Variants in ASPM observed in about 807,000 individuals in gnomAD.
ASPM encodes the protein abnormal spindle-like microcephaly-associated protein.
ASPM carries 256 observed loss-of-function variants against 366.4 expected under a neutral mutation model. The ratio of observed to expected loss-of-function variants is 0.70; its 90% CI spans 0.63 to 0.77. The LOEUF (loss-of-function observed/expected upper bound fraction) is 0.77. ASPM is among the 30% of genes least tolerant of loss of function. The pLI, the probability that ASPM is intolerant of heterozygous loss-of-function variation, is 0.00. For synonymous variants in ASPM, 1,414 were observed against 1,342.9 expected, an observed-to-expected ratio of 1.05 and a Z score of -1.16; for missense variants, 4,146 against 4,090.4, an observed-to-expected ratio of 1.01 and a Z score of -0.37.
At position 197,142,759 on chromosome 1, in the gene ASPM, G is replaced by T. The variant is rs778069189; in HGVS notation, c.1493C>A (p.Thr498Asn). ...KRRPILSATV[T>N]KRKATCTREN... ...TCTGGTACAGGTGGCCTTCCTTTTAGTAACAGTGGCAGAAAGTATTGGACG... is the reference window on the plus strand; with the variant it reads ...TCTGGTACAGGTGGCCTTCCTTTTATTAACAGTGGCAGAAAGTATTGGACG... Residue 498 changes from threonine to asparagine, a missense_variant, in exon 3 of 28, where the codon ACT becomes AAT. Thr to Asn is a moderately conservative substitution (Grantham distance 65). Around this residue, in one of 3 missense-constraint regions of ASPM, gnomAD observed 3,624 missense variants for 3,591.7 expected, o/e 1.01. Coordinates refer to ENST00000367409, the MANE Select transcript of ASPM (RefSeq NM_018136.5). 1.6e-5 allele frequency: 26 copies of T among 1,613,686 alleles called. No homozygotes were observed. The highest frequency in any genetic ancestry group is 2.0e-5 in the Non-Finnish European group (24 of 1,179,784).
At chr1:197,096,233 A>C (rs1656972203) in intron 18 of ASPM, 69 bp from the exon 19 acceptor site, 1 of 1,343,282 alleles carries the variant, frequency 7.4e-7, no homozygotes, top group Admixed American at 1.7e-5. Context: ...AAGACAAATC[A>C]GTATAAAGAC....
At position 197,143,542 on chromosome 1, in the gene ASPM, A is replaced by T. The variant is rs1277815135; in HGVS notation, c.710T>A (p.Leu237Ter). The change falls in exon 3 of 28, where the codon TTG becomes TAG. Residue 237 changes from leucine to a stop codon, truncating the protein, a stop_gained. Transcript: ENST00000367409. LOFTEE classifies it high-confidence loss of function. ...AFNECHGATC[L>*]PLSVRRSTTY... ...AGTAGATCGACGTACAGAGAGTGGC[A>T]AGCAAGTTGCACCATGGCATTCATT... 1.2e-6 allele frequency: 2 copies of T among 1,613,898 alleles called. No individual in the cohort carries two copies. Among genetic ancestry groups the T allele is most frequent in the Admixed American group, 3.3e-5 (2 of 60,032 alleles).
At chr1:197,131,995 A>G (rs2125108757) in intron 7 of ASPM, among the ~76,000 whole-genome samples, 1 of 152,342 alleles carries the variant, frequency 6.6e-6, no homozygotes, top group East Asian at 1.9e-4. Context: ...GTAAATTTGC[A>G]AAAATGAGTT....
At chr1:197,136,977 C>T (rs1658438271) in intron 4 of ASPM, among the ~76,000 whole-genome samples, 1 of 151,974 alleles carries the variant, frequency 6.6e-6, no homozygotes, top group Admixed American at 6.6e-5. Flanking sequence ...TAGCATGAAT[C>T]CTTCTGTGCC....
rs115132447 is a variant in ASPM, at chr1:197,114,099, A to G, written c.4065+3690T>C. On this transcript the variant is annotated intron_variant, in intron 17 of 27. Coordinates refer to ENST00000367409, the MANE Select transcript of ASPM (RefSeq NM_018136.5). ...GTTCCAGACCACCACAATAAAGCAAATATTACAATAAAGTGAGTCACACAA... is the reference window on the plus strand; with the variant it reads ...GTTCCAGACCACCACAATAAAGCAAGTATTACAATAAAGTGAGTCACACAA... 3.1e-3 allele frequency among the ~76,000 whole-genome samples: 472 copies of G among 152,338 alleles called. 2 individuals are homozygous for G. Among genetic ancestry groups the G allele is most frequent in the African/African-American group, 0.011 (442 of 41,564 alleles).
chr1:197,092,056 A>T lies in ASPM; in HGVS notation c.9295T>A (p.Phe3099Ile), dbSNP rs1319687632. ...CGAATTTTGGCTCTCTGTTCTAAAA[A>T]CTAAAGGTGAAAAAACAAAGCATAT... The part of the protein sequence containing the change: ...LVRGWLVRKR[F>I]LEQRAKIRLL... The change falls in exon 22 of 28, where the codon TTT becomes ATT. Residue 3099 changes from phenylalanine to isoleucine, a missense_variant and splice_region_variant. Physicochemically the swap from Phe to Ile is conservative, Grantham distance 21. Around this residue, in one of 3 missense-constraint regions of ASPM, gnomAD observed 3,624 missense variants for 3,591.7 expected, o/e 1.01. Transcript: ENST00000367409. 1.9e-6 allele frequency: 3 copies of T among 1,611,310 alleles called. No individual in the cohort carries two copies. The highest frequency in any genetic ancestry group is 2.5e-6 in the Non-Finnish European group (3 of 1,178,304).
At chr1:197,089,906 C>T in intron 25 of ASPM, 24 bp downstream of exon 25, 7 of 1,606,494 alleles carry the variant, frequency 4.4e-6, no homozygotes, top group Non-Finnish European at 6.0e-6. Flanking sequence ...CAGTGAATAT[C>T]TCATTAATAA....
Position 197,135,201 on chromosome 1 carries a change from A to G in ASPM, c.2068T>C (p.Phe690Leu). ...TTTTCCTTCCAGCGTTCATCATAAAACATGTTTTTTGCAGCAAATGGCATC... is the reference window on the plus strand; with the variant it reads ...TTTTCCTTCCAGCGTTCATCATAAAGCATGTTTTTTGCAGCAAATGGCATC... ...HPMPFAAKNM[F>L]YDERWKEKQE... is the part of the protein sequence containing the mutation. Residue 690 changes from phenylalanine (F) to leucine (L), a missense_variant, in exon 5 of 28, where the codon TTT (phenylalanine) becomes CTT (leucine). Phe to Leu is a conservative substitution (Grantham distance 22). This residue lies in a region of ASPM where 3,624 missense variants were observed against 3,591.7 expected (regional missense o/e 1.01). Coordinates refer to ENST00000367409, the MANE Select transcript of ASPM (RefSeq NM_018136.5). The G allele has an allele frequency of 6.2e-7, 1 of 1,614,032 alleles. No individual in the cohort carries two copies. Among genetic ancestry groups the G allele is most frequent in the Non-Finnish European group, 8.5e-7 (1 of 1,179,948 alleles).
At chr1:197,130,791 C>T (rs987687726) in intron 7 of ASPM, among the ~76,000 whole-genome samples, 2 of 152,106 alleles carry the variant, frequency 1.3e-5, no homozygotes, top group Non-Finnish European at 2.9e-5. Context: ...TATACATCCC[C>T]ACCACCTGCC....
intron 17 of ASPM, among the ~76,000 whole-genome samples, chr1:197,113,027 T>C (rs192574237): frequency 6.6e-6 from 1 of 152,250 alleles, no homozygotes; most frequent in Non-Finnish European, 1.5e-5. Flanking sequence ...CACCATGGAA[T>C]ACCATGCAGC....
chr1:197,093,334 A>C, intron 20 of ASPM, 73 bp from the exon 21 acceptor site: 1 of 1,168,534 alleles, frequency 8.6e-7, no homozygotes, highest in Non-Finnish European at 1.3e-6. Context: ...GAAGTTCTTG[A>C]ATTTCTCAAT....
rs778066591 is a variant in ASPM, at chr1:197,146,417, C to T, written c.21G>A (p.Gly7=). ...TCGGGCTCACTTCCCAGCAGCCTCG[C>T]CCCACTCGCCGGTTCGCCATGGCAG... MANRRV[G]RGCWEVSPTE... Residue 7 remains glycine, a synonymous_variant, in exon 1 of 28, where the codon GGG becomes GGA. Coordinates refer to ENST00000367409, the MANE Select transcript of ASPM (RefSeq NM_018136.5). 5 of 1,608,768 alleles carry T rather than the reference C, an allele frequency of 3.1e-6. No homozygotes were observed. In the South Asian group the frequency reaches 5.5e-5, roughly 18 times the overall value.
intron 23 of ASPM, among the ~76,000 whole-genome samples, chr1:197,090,648 C>T (rs1656749200): frequency 6.6e-6 from 1 of 152,064 alleles, no homozygotes; most frequent in Non-Finnish European, 1.5e-5. Flanking sequence ...AATATTTTTA[C>T]TTCTTGATTA....
At chr1:197,124,655 C>T (rs763169076) in intron 12 of ASPM, among the ~76,000 whole-genome samples, 4 of 151,580 alleles carry the variant, frequency 2.6e-5, no homozygotes, top group Non-Finnish European at 5.9e-5. Context: ...AGACATAACA[C>T]CTACTTTGCA....
intron 18 of ASPM, 91 bp from the exon 19 acceptor site, chr1:197,096,255 G>A (rs1480025232): frequency 1.7e-6 from 2 of 1,144,468 alleles, no homozygotes; most frequent in Non-Finnish European, 2.6e-6. Flanking sequence ...GTTAAAATAA[G>A]GTTAGTGCAG....
Position 197,102,991 on chromosome 1 carries a change from T to C in ASPM, c.6260A>G (p.His2087Arg). 1 of 1,612,380 alleles carries C rather than the reference T, an allele frequency of 6.2e-7. No individual in the cohort carries two copies. The highest frequency in any genetic ancestry group is 8.5e-7 in the Non-Finnish European group (1 of 1,179,046). Reference protein sequence around the residue: ...YRGIKITNHQHKEYLNLKKTA... With the variant: ...YRGIKITNHQRKEYLNLKKTA... ...CTTCTTCAAATTAAGATACTCCTTATGCTGATGGTTTGTAATTTTAATACC... is the reference window on the plus strand; with the variant it reads ...CTTCTTCAAATTAAGATACTCCTTACGCTGATGGTTTGTAATTTTAATACC... The change falls in exon 18 of 28, where the codon CAT becomes CGT. Residue 2087 changes from histidine (H) to arginine (R), a missense_variant. His to Arg is a conservative substitution (Grantham distance 29). Transcript: ENST00000367409.
intron 16 of ASPM, 65 bp from the exon 17 acceptor site, chr1:197,118,048 A>G: frequency 6.9e-7 from 1 of 1,438,924 alleles, no homozygotes; most frequent in South Asian, 1.1e-5. Context: ...TATTCTTTGT[A>G]AGATAACCAT....
At position 197,101,682 on chromosome 1, in the gene ASPM, T is replaced by C. The variant is rs148494695; in HGVS notation, c.7569A>G (p.Gln2523=). 48 of 1,612,208 alleles carry C rather than the reference T, an allele frequency of 3.0e-5. No individual in the cohort carries two copies. In the African/African-American group the frequency reaches 5.9e-4, roughly 20 times the overall value. Residue 2523 remains glutamine (Q), a synonymous_variant, in exon 18 of 28, where the codon CAA becomes CAG. Transcript: ENST00000367409. ...HYRTYRAAKL[Q]RENYIRQWHS... ...GCCATTGTCTGATATAATTTTCTCT[T>C]TGTAATTTTGCAGCTCTATATGTTC...
At position 197,100,712 on chromosome 1, in the gene ASPM, G is replaced by T. The variant is rs199575079; in HGVS notation, c.8539C>A (p.Leu2847Ile). 1 of 1,612,372 alleles carries T rather than the reference G, an allele frequency of 6.2e-7. No individual in the cohort carries two copies. Among genetic ancestry groups the T allele is most frequent in the Admixed American group, 1.7e-5 (1 of 59,742 alleles). ...KCAALRIQFF[L>I]QMAVYRRRFV... ...CTTCTCCGATACACAGCCATCTGAA[G>T]GAAGAACTGAATCCGTAGGGCAGCA... is the stretch of plus-strand genomic sequence containing the variant. The change falls in exon 18 of 28, where the codon CTT (leucine) becomes ATT (isoleucine). Residue 2847 changes from leucine (L) to isoleucine (I), a missense_variant. By Grantham distance (5) the Leu-to-Ile change is conservative. Around this residue, in one of 3 missense-constraint regions of ASPM, gnomAD observed 3,624 missense variants for 3,591.7 expected, o/e 1.01. Coordinates refer to ENST00000367409, the MANE Select transcript of ASPM (RefSeq NM_018136.5).
Sources: allele counts gnomAD v4.1 joint callset (sites outside exome capture counted in the v4.1 genomes callset), GRCh38; gene constraint gnomAD v4.1.1; regional missense constraint gnomAD v4.1.1; transcripts MANE v1.5; gene names NCBI Gene and HGNC (gene_info 2026-07-23, HGNC 2026-07-21).